EPHB1: variants seen among roughly 807,000 people sequenced by gnomAD.
EPHB1 encodes ephrin type-B receptor 1.
In EPHB1, 30 loss-of-function variants were observed where a neutral mutation model predicts 94.4. The ratio of observed to expected loss-of-function variants is 0.32; its 90% CI spans 0.24 to 0.43. The LOEUF (loss-of-function observed/expected upper bound fraction) is 0.43, where lower values mean the gene tolerates loss of function less well. Ranked by LOEUF, EPHB1 falls within the 20% of genes least tolerant of loss-of-function variation. The pLI is 1.00. For missense variants in EPHB1, 1,055 were observed against 1,308.3 expected, an observed-to-expected ratio of 0.81 and a Z score of 2.99; for synonymous variants, 522 against 489.1, an observed-to-expected ratio of 1.07 and a Z score of -0.89.
intron 11 of EPHB1, among the ~76,000 whole-genome samples, chr3:135,195,492 AC>A (rs1942575891): frequency 6.8e-6 from 1 of 146,354 alleles, no homozygotes; most frequent in Non-Finnish European, 1.5e-5. Context: ...CCATCTCCCC[AC>A]CCCACCACAG....
chr3:135,038,697 T>C (rs1159099490), intron 3 of EPHB1, among the ~76,000 whole-genome samples: 3 of 152,180 alleles, frequency 2.0e-5, no homozygotes, highest in Non-Finnish European at 2.9e-5. Flanking sequence ...TCTGGTGGGT[T>C]CGTGGTCTCG....
At chr3:134,806,700 T>C (rs2036047758) in intron 1 of EPHB1, among the ~76,000 whole-genome samples, 1 of 152,312 alleles carries the variant, frequency 6.6e-6, no homozygotes, top group Non-Finnish European at 1.5e-5. Context: ...GGTGGAGATA[T>C]GATACCTCAT....
At chr3:134,811,837 A>T (rs988525191) in intron 1 of EPHB1, among the ~76,000 whole-genome samples, 5 of 152,260 alleles carry the variant, frequency 3.3e-5, no homozygotes, top group African/African-American at 1.2e-4. Context: ...GTATGGCCCT[A>T]AACAGTCGGA....
chr3:134,848,789 C>T (rs1010246721), intron 1 of EPHB1, among the ~76,000 whole-genome samples: 1 of 152,188 alleles, frequency 6.6e-6, no homozygotes, highest in African/African-American at 2.4e-5. Flanking sequence ...TGCCATCAAG[C>T]TTCTTCATGA....
chr3:135,155,826 A>G (rs1241282357), intron 6 of EPHB1, among the ~76,000 whole-genome samples: 1 of 145,098 alleles, frequency 6.9e-6, no homozygotes. Flanking sequence ...GAGCTTTTCC[A>G]CTGAGTGAGA....
intron 12 of EPHB1, among the ~76,000 whole-genome samples, chr3:135,219,842 A>T (rs774706750): frequency 6.6e-6 from 1 of 152,138 alleles, no homozygotes; most frequent in African/African-American, 2.4e-5. Context: ...GAAGGCGGGG[A>T]TCTTGTCCCA....
At chr3:135,229,348 C>T (rs1238968465) in intron 12 of EPHB1, among the ~76,000 whole-genome samples, 4 of 152,102 alleles carry the variant, frequency 2.6e-5, no homozygotes, top group Non-Finnish European at 4.4e-5. Flanking sequence ...GGATTGTTTG[C>T]GGGAGAAACC....
At chr3:135,110,859 G>C (rs1939414435) in intron 4 of EPHB1, among the ~76,000 whole-genome samples, 1 of 152,174 alleles carries the variant, frequency 6.6e-6, no homozygotes, top group Admixed American at 6.5e-5. Flanking sequence ...AGGCACGACA[G>C]GGCAGTGGTG....
At chr3:135,087,754 C>A (rs1356516272) in intron 3 of EPHB1, among the ~76,000 whole-genome samples, 1 of 152,194 alleles carries the variant, frequency 6.6e-6, no homozygotes, top group Non-Finnish European at 1.5e-5. Flanking sequence ...CCGACACCCA[C>A]TAGAGGTAGG....
chr3:135,021,723 T>G (rs992957988), intron 3 of EPHB1, among the ~76,000 whole-genome samples: 1 of 152,232 alleles, frequency 6.6e-6, no homozygotes, highest in Non-Finnish European at 1.5e-5. Flanking sequence ...GGAATAAGAT[T>G]ATTTCTCTCT....
intron 3 of EPHB1, among the ~76,000 whole-genome samples, chr3:134,978,867 T>C (rs532381821): frequency 7.9e-5 from 12 of 152,292 alleles, no homozygotes; most frequent in Admixed American, 7.2e-4. Flanking sequence ...TAAGAGAGCA[T>C]TGTGGGACCT....
At chr3:135,122,400 C>A (rs1387405767) in intron 4 of EPHB1, among the ~76,000 whole-genome samples, 3 of 152,180 alleles carry the variant, frequency 2.0e-5, no homozygotes, top group Non-Finnish European at 2.9e-5. Flanking sequence ...TTTAAGATGA[C>A]ATGACCTATA....
At chr3:134,980,423 G>T (rs1459034443) in intron 3 of EPHB1, among the ~76,000 whole-genome samples, 4 of 152,072 alleles carry the variant, frequency 2.6e-5, no homozygotes, top group African/African-American at 9.7e-5. Flanking sequence ...GAAGTCACAA[G>T]CCCAGCCAGA....
chr3:135,199,792 T>C (rs575505841), intron 11 of EPHB1, among the ~76,000 whole-genome samples: 14 of 152,336 alleles, frequency 9.2e-5, no homozygotes, highest in East Asian at 7.7e-4. Context: ...TTTTTGATTG[T>C]TGTTGTTGTT....
At chr3:135,097,304 G>C (rs922216931) in intron 3 of EPHB1, among the ~76,000 whole-genome samples, 1 of 150,590 alleles carries the variant, frequency 6.6e-6, no homozygotes, top group African/African-American at 2.4e-5. Context: ...CCTAATCACT[G>C]ACCTTGGACC....
At chr3:135,022,865 G>A (rs1936030846) in intron 3 of EPHB1, among the ~76,000 whole-genome samples, 1 of 152,178 alleles carries the variant, frequency 6.6e-6, no homozygotes, top group Non-Finnish European at 1.5e-5. Context: ...AGGGTGGAGT[G>A]TGTTTTCAAG....
At chr3:135,081,428 G>A (rs1257808984) in intron 3 of EPHB1, among the ~76,000 whole-genome samples, 9 of 152,196 alleles carry the variant, frequency 5.9e-5, no homozygotes, top group Non-Finnish European at 1.5e-5. Flanking sequence ...GTTAGCATAG[G>A]CCACTGAGGA....
intron 3 of EPHB1, among the ~76,000 whole-genome samples, chr3:134,987,782 A>T (rs1934654813): frequency 6.6e-6 from 1 of 151,612 alleles, no homozygotes; most frequent in African/African-American, 2.4e-5. Context: ...AAAAACAAAC[A>T]AACAAACAAA....
At chr3:134,817,122 A>G (rs547689090) in intron 1 of EPHB1, among the ~76,000 whole-genome samples, 1 of 152,264 alleles carries the variant, frequency 6.6e-6, no homozygotes, top group Admixed American at 6.5e-5. Flanking sequence ...TAAGTAATAT[A>G]TGAATGTAGT....
Sources: allele counts gnomAD v4.1 joint callset (sites outside exome capture counted in the v4.1 genomes callset), GRCh38; gene constraint gnomAD v4.1.1; transcripts MANE v1.5; gene names NCBI Gene and HGNC (gene_info 2026-07-23, HGNC 2026-07-21).